The following NRG3 variants were observed in gnomAD, a reference collection of about 807,000 sequenced individuals.
NRG3 encodes the protein pro-neuregulin-3, membrane-bound isoform.
Under a neutral mutation model 66.9 loss-of-function variants are expected in NRG3, and 31 were observed. That is an observed-to-expected ratio of 0.46 (90% CI 0.35 to 0.63). The LOEUF is 0.63. NRG3 is among the 20% of genes least tolerant of loss of function. NRG3 has a pLI of 0.00. For missense variants in NRG3, 910 were observed against 878.9 expected (o/e 1.04, Z -0.45); for synonymous variants, 393 against 359.4 (o/e 1.09, Z -1.06).
intron 6 of NRG3, among the ~76,000 whole-genome samples, chr10:82,969,034 G>T (rs769415718): frequency 2.0e-5 from 3 of 152,162 alleles, no homozygotes; most frequent in African/African-American, 7.2e-5. Flanking sequence ...GGAAACTGCC[G>T]CCATGATTCA....
chr10:82,669,473 T>A (rs1372099874), intron 2 of NRG3, among the ~76,000 whole-genome samples: 1 of 152,086 alleles, frequency 6.6e-6, no homozygotes, highest in African/African-American at 2.4e-5. Context: ...TACTACCAAT[T>A]ATGGTTTCTT....
At chr10:82,906,335 A>G (rs1844734595) in intron 4 of NRG3, among the ~76,000 whole-genome samples, 1 of 152,132 alleles carries the variant, frequency 6.6e-6, no homozygotes, top group South Asian at 2.1e-4. Context: ...CATGACAGCA[A>G]TGTTAAAATA....
chr10:82,169,134 C>T (rs1038622361), intron 1 of NRG3, among the ~76,000 whole-genome samples: 9 of 152,182 alleles, frequency 5.9e-5, no homozygotes, highest in African/African-American at 1.7e-4. Context: ...AAGAAAGCGA[C>T]GAGCATATGT....
chr10:81,892,805 T>A (rs1392626435), intron 1 of NRG3, among the ~76,000 whole-genome samples: 1 of 152,170 alleles, frequency 6.6e-6, no homozygotes, highest in Non-Finnish European at 1.5e-5. Context: ...CATTTAAAAA[T>A]AACTAAAAGA....
chr10:82,963,219 A>C (rs1451594232), intron 6 of NRG3, among the ~76,000 whole-genome samples: 2 of 152,230 alleles, frequency 1.3e-5, no homozygotes, highest in Admixed American at 6.5e-5. Flanking sequence ...AAAGGAAACA[A>C]AAAACCTAGG....
chr10:82,298,258 G>A (rs11193539), intron 1 of NRG3, among the ~76,000 whole-genome samples: 1 of 149,634 alleles, frequency 6.7e-6, no homozygotes, highest in African/African-American at 2.5e-5. Context: ...ATGGAGGGAG[G>A]GAGGGAAGGA....
intron 2 of NRG3, among the ~76,000 whole-genome samples, chr10:82,393,542 T>G (rs1007142214): frequency 5.9e-5 from 9 of 152,316 alleles, no homozygotes; most frequent in Admixed American, 4.6e-4. Context: ...GAATCTGCCA[T>G]GCTGAGGATA....
intron 1 of NRG3, among the ~76,000 whole-genome samples, chr10:81,950,069 T>C (rs562295850): frequency 1.6e-4 from 24 of 152,306 alleles, no homozygotes; most frequent in African/African-American, 5.3e-4. Context: ...ATGATTTGCA[T>C]AGAGGTTCCA....
chr10:82,022,430 C>T (rs1292479392), intron 1 of NRG3, among the ~76,000 whole-genome samples: 1 of 152,046 alleles, frequency 6.6e-6, no homozygotes, highest in East Asian at 1.9e-4. Context: ...TATCTGTACT[C>T]TTCTCTCTGC....
chr10:82,270,703 A>G (rs967075885), intron 1 of NRG3, among the ~76,000 whole-genome samples: 2 of 152,090 alleles, frequency 1.3e-5, no homozygotes, highest in African/African-American at 2.4e-5. Flanking sequence ...GTAGCTGCTT[A>G]GAGAGATGAC....
intron 2 of NRG3, among the ~76,000 whole-genome samples, chr10:82,545,620 A>G (rs994732731): frequency 5.9e-5 from 9 of 151,784 alleles, no homozygotes; most frequent in African/African-American, 9.7e-5. Flanking sequence ...TGACCTCGTG[A>G]TCCGCCCGCC....
intron 3 of NRG3, among the ~76,000 whole-genome samples, chr10:82,766,391 A>G (rs1355993826): frequency 1.3e-5 from 2 of 152,200 alleles, no homozygotes; most frequent in African/African-American, 2.4e-5. Context: ...AAATGACCAC[A>G]ACTAGTCACA....
intron 2 of NRG3, among the ~76,000 whole-genome samples, chr10:82,476,310 A>G (rs1211906041): frequency 6.6e-6 from 1 of 152,212 alleles, no homozygotes; most frequent in African/African-American, 2.4e-5. Context: ...TCCTCAAAAA[A>G]TTAAAAATAA....
At chr10:82,750,888 A>C (rs17100726) in intron 3 of NRG3, among the ~76,000 whole-genome samples, 3,625 of 152,206 alleles carry the variant, frequency 0.024, 141 homozygotes, top group African/African-American at 0.081. Flanking sequence ...TATCTTCATT[A>C]AGTGTCATGA....
intron 1 of NRG3, among the ~76,000 whole-genome samples, chr10:81,975,331 A>G (rs934058245): frequency 4.5e-4 from 64 of 140,702 alleles, no homozygotes; most frequent in African/African-American, 1.8e-3. Flanking sequence ...CTATCTATCT[A>G]TCTATCTATC....
chr10:82,650,364 C>G (rs572662678), intron 2 of NRG3, among the ~76,000 whole-genome samples: 1 of 152,210 alleles, frequency 6.6e-6, no homozygotes, highest in South Asian at 2.1e-4. Context: ...TATTAATTCT[C>G]TAAAAATGTT....
intron 3 of NRG3, among the ~76,000 whole-genome samples, chr10:82,776,635 C>A (rs1353286647): frequency 6.6e-6 from 1 of 150,680 alleles, no homozygotes; most frequent in Admixed American, 6.6e-5. Flanking sequence ...CATTTTTTTT[C>A]TCTCCGGGTT....
intron 3 of NRG3, among the ~76,000 whole-genome samples, chr10:82,803,084 G>C (rs79022118): frequency 0.03 from 4,582 of 152,200 alleles, 200 homozygotes; most frequent in African/African-American, 0.1. Flanking sequence ...CAAAGAAACC[G>C]TCTGAGGCTA....
intron 1 of NRG3, among the ~76,000 whole-genome samples, chr10:82,130,098 CA>C (rs1554830695): frequency 6.6e-6 from 1 of 151,978 alleles, no homozygotes; most frequent in Non-Finnish European, 1.5e-5. Flanking sequence ...TGAGAACATG[CA>C]AAGTTTGTCT....
Sources: allele counts gnomAD v4.1 joint callset (sites outside exome capture counted in the v4.1 genomes callset), GRCh38; gene constraint gnomAD v4.1.1; transcripts MANE v1.5; gene names NCBI Gene and HGNC (gene_info 2026-07-23, HGNC 2026-07-21).